The following EEA1 variants were observed in gnomAD, a reference collection of about 807,000 sequenced individuals.
EEA1 encodes the protein early endosome antigen 1, 162kD.
EEA1 carries 111 observed loss-of-function variants against 209.2 expected under a neutral mutation model. The observed-to-expected ratio is 0.53, with a 90% CI of 0.45 to 0.62. The LOEUF (loss-of-function observed/expected upper bound fraction) is 0.62. EEA1 is among the 20% of genes least tolerant of loss of function. EEA1 has a pLI of 0.00. For synonymous variants in EEA1, 536 were observed against 540.6 expected (o/e 0.99, Z 0.12); for missense variants, 1,343 against 1,530.8 (o/e 0.88, Z 2.05).
intron 2 of EEA1, among the ~76,000 whole-genome samples, chr12:92,873,998 A>G (rs1028483273): frequency 1.3e-5 from 2 of 152,142 alleles, no homozygotes; most frequent in African/African-American, 4.8e-5. Flanking sequence ...AAGTGCTAGA[A>G]CTACAGAACA....
intron 15 of EEA1, among the ~76,000 whole-genome samples, chr12:92,813,996 A>G (rs1053147014): frequency 2.6e-5 from 4 of 152,116 alleles, no homozygotes; most frequent in Non-Finnish European, 4.4e-5. Context: ...CTGGCGACAG[A>G]GCAAGACTCT....
chr12:92,917,678 T>C (rs1592778115), intron 1 of EEA1, among the ~76,000 whole-genome samples: 1 of 142,288 alleles, frequency 7.0e-6, no homozygotes, highest in East Asian at 2.0e-4. Context: ...AGGAAGAAAC[T>C]GCATCAACTA....
intron 1 of EEA1, among the ~76,000 whole-genome samples, chr12:92,915,413 G>A (rs1880728659): frequency 6.6e-6 from 1 of 152,194 alleles, no homozygotes; most frequent in Non-Finnish European, 1.5e-5. Flanking sequence ...AGGTTGCAGT[G>A]AGCCGTGATC....
chr12:92,912,975 G>A (rs1440647719), intron 1 of EEA1, among the ~76,000 whole-genome samples: 1 of 152,158 alleles, frequency 6.6e-6, no homozygotes, highest in East Asian at 1.9e-4. Context: ...CCAAGACTTT[G>A]CTGTGGTGCA....
rs894075160 is a variant in EEA1, at chr12:92,772,342, CTT to C, written c.*3667_*3668del. The C allele has an allele frequency of 2.1e-4, 32 of 151,858 alleles. No homozygotes were observed. The highest frequency in any genetic ancestry group is 6.8e-4 in the African/African-American group (28 of 41,474). 9.4% of individuals were successfully genotyped at this position (151,858 alleles called of 1,614,324 possible). ...AGGCAAAATGGCATTAATAATTTCT[CTT>C]GAGATCAGGAATTTAATTACTATTC... On this transcript the variant is annotated 3_prime_UTR_variant, in exon 29 of 29. Coordinates refer to ENST00000322349, the MANE Select transcript of EEA1 (RefSeq NM_003566.4).
At chr12:92,789,060 G>A (rs1172216270) in intron 21 of EEA1, among the ~76,000 whole-genome samples, 1 of 151,962 alleles carries the variant, frequency 6.6e-6, no homozygotes, top group Non-Finnish European at 1.5e-5. Flanking sequence ...GAAGGCTGAG[G>A]TGGGTGATCA....
At chr12:92,840,400 C>T (rs1428049720) in intron 10 of EEA1, among the ~76,000 whole-genome samples, 2 of 152,176 alleles carry the variant, frequency 1.3e-5, no homozygotes, top group Non-Finnish European at 2.9e-5. Context: ...GCAATTTCTG[C>T]CTCCCATGTT....
intron 28 of EEA1, among the ~76,000 whole-genome samples, chr12:92,776,502 TG>T (rs1489901155): frequency 3.9e-5 from 6 of 151,910 alleles, no homozygotes; most frequent in African/African-American, 1.4e-4. Flanking sequence ...ATTAACACAA[TG>T]GTAGTATTTA....
chr12:92,869,752 CAAAAAAAAAAAAAAAAAAAA>C (rs71069185), intron 2 of EEA1, among the ~76,000 whole-genome samples: 1,347 of 26,838 alleles, frequency 0.05, 36 homozygotes, highest in Middle Eastern at 0.17. Context: ...GATTCTGCCT[CAAAAAAAAAAAAAAAAAAAA>C]AAAAAAAAAA....
At chr12:92,785,227 C>A (rs1160515625) in intron 22 of EEA1, among the ~76,000 whole-genome samples, 1 of 152,052 alleles carries the variant, frequency 6.6e-6, no homozygotes, top group Non-Finnish European at 1.5e-5. Flanking sequence ...TACAGCATAG[C>A]CAATCTGAAA....
rs1270792347 is a variant in EEA1 at position 92,829,778 on chromosome 12, T to TAAAA, written c.1255-1721_1255-1718dup. The stretch of plus-strand genomic sequence containing the variant: ...TGGGTGACAAAGTGAAACTCTGTCT[T>TAAAA]AAAAAAAAAAAAAAAAAACAAAAAA... On this transcript the variant is annotated intron_variant, in intron 11 of 28. Transcript: ENST00000322349. Among the ~76,000 whole-genome samples, 60 of 71,086 alleles carry TAAAA rather than the reference T, an allele frequency of 8.4e-4. 1 individual carries two copies. Among genetic ancestry groups the TAAAA allele is most frequent in the East Asian group, 3.2e-3 (5 of 1,576 alleles). 46.6% of individuals were successfully genotyped at this position (71,086 alleles called of 152,430 possible). A position where few individuals can be genotyped will look rare whatever the true frequency, so the allele number is the denominator to read the frequency against.
rs115452349 is a variant in EEA1, at chr12:92,788,670, G to C, written c.2968-621C>G. ...TGCATAGTATGAAAAATAGGTATTT[G>C]ACTTTCAAAATATACTACCTTCAAT... On this transcript the variant is annotated intron_variant, in intron 21 of 28. Coordinates refer to ENST00000322349, the MANE Select transcript of EEA1 (RefSeq NM_003566.4). 8.0e-3 allele frequency among the ~76,000 whole-genome samples: 1,215 copies of C among 152,208 alleles called. 25 individuals are homozygous for C. Among genetic ancestry groups the C allele is most frequent in the African/African-American group, 0.027 (1,118 of 41,526 alleles).
At chr12:92,844,627 A>T (rs1348386074) in intron 9 of EEA1, among the ~76,000 whole-genome samples, 5 of 152,258 alleles carry the variant, frequency 3.3e-5, no homozygotes, top group African/African-American at 9.6e-5. Flanking sequence ...TATTTCTAAT[A>T]ATTTTGAATC....
At chr12:92,850,323 A>T (rs1327644210) in intron 9 of EEA1, among the ~76,000 whole-genome samples, 3 of 152,210 alleles carry the variant, frequency 2.0e-5, no homozygotes, top group Admixed American at 6.5e-5. Context: ...GTTGGCATAA[A>T]GGGAAGTTCT....
chr12:92,779,616 G>A (rs1873815527), intron 24 of EEA1, among the ~76,000 whole-genome samples: 1 of 152,032 alleles, frequency 6.6e-6, no homozygotes, highest in African/African-American at 2.4e-5. Flanking sequence ...CACACACTGA[G>A]TTACGTTCTG....
chr12:92,806,942 A>ATTTTTTTTTTTTTTTT (rs34717047), intron 18 of EEA1, among the ~76,000 whole-genome samples: 5 of 147,392 alleles, frequency 3.4e-5, no homozygotes, highest in African/African-American at 1.0e-4. Context: ...TTTTTTAATA[A>ATTTTTTTTTTTTTTTT]TTTTTTTTTT....
At chr12:92,860,971 G>A (rs920713390) in intron 3 of EEA1, among the ~76,000 whole-genome samples, 1 of 151,838 alleles carries the variant, frequency 6.6e-6, no homozygotes, top group Admixed American at 6.6e-5. Flanking sequence ...TAAATAGGGG[G>A]GAAATACACA....
At chr12:92,825,488 A>C (rs1184786700) in intron 13 of EEA1, among the ~76,000 whole-genome samples, 1 of 152,106 alleles carries the variant, frequency 6.6e-6, no homozygotes, top group Non-Finnish European at 1.5e-5. Flanking sequence ...GAATTAAAAA[A>C]TATCAAAGTC....
At chr12:92,809,475 C>G (rs1004039923) in intron 17 of EEA1, among the ~76,000 whole-genome samples, 1 of 144,042 alleles carries the variant, frequency 6.9e-6, no homozygotes, top group Non-Finnish European at 1.5e-5. Context: ...CACTTGAGGT[C>G]AGAAGTTCGA....
Sources: allele counts gnomAD v4.1 joint callset (sites outside exome capture counted in the v4.1 genomes callset), GRCh38; gene constraint gnomAD v4.1.1; transcripts MANE v1.5; gene names NCBI Gene and HGNC (gene_info 2026-07-23, HGNC 2026-07-21).